KDM4B: variants seen among roughly 807,000 people sequenced by gnomAD.
KDM4B encodes the protein lysine demethylase 4B.
Under a neutral mutation model 125.2 loss-of-function variants are expected in KDM4B, and 32 were observed. That is an observed-to-expected ratio of 0.26 (90% CI 0.19 to 0.34). KDM4B has a LOEUF of 0.34. KDM4B is among the 10% of genes least tolerant of loss of function. KDM4B has a pLI of 1.00. For synonymous variants in KDM4B, 721 were observed against 677.9 expected (o/e 1.06, Z -0.99); for missense variants, 1,190 against 1,577.7 (o/e 0.75, Z 4.16).
intron 11 of KDM4B, among the ~76,000 whole-genome samples, chr19:5,127,346 G>A (rs1232117429): frequency 1.3e-5 from 2 of 152,214 alleles, no homozygotes; most frequent in East Asian, 1.9e-4. Flanking sequence ...GCTGCGGGGT[G>A]TGCCGCCGTC....
chr19:5,000,298 G>A (rs183565066), intron 1 of KDM4B, among the ~76,000 whole-genome samples: 23 of 127,246 alleles, frequency 1.8e-4, no homozygotes, highest in African/African-American at 5.7e-4. Context: ...TTCATTCACC[G>A]ATCCATCTGT....
At chr19:5,112,005 G>T in intron 10 of KDM4B, 1 of 579,996 alleles carries the variant, frequency 1.7e-6, no homozygotes, top group Non-Finnish European at 3.1e-6. Flanking sequence ...TGTAATCTCT[G>T]CACTTTGGAG....
At chr19:5,011,708 G>A (rs2035732650) in intron 1 of KDM4B, among the ~76,000 whole-genome samples, 1 of 152,264 alleles carries the variant, frequency 6.6e-6, no homozygotes, top group Non-Finnish European at 1.5e-5. Flanking sequence ...CTCAGACCCG[G>A]GAAAGAGGTG....
At chr19:5,143,941 G>A in intron 18 of KDM4B, 26 bp from the exon 19 acceptor site, 6 of 1,553,806 alleles carry the variant, frequency 3.9e-6, no homozygotes, top group Non-Finnish European at 4.4e-6. Flanking sequence ...CGAGCCCCAT[G>A]CCCCTGCCTG....
chr19:5,029,853 C>T (rs981024250), intron 2 of KDM4B, among the ~76,000 whole-genome samples: 1 of 152,206 alleles, frequency 6.6e-6, no homozygotes, highest in African/African-American at 2.4e-5. Flanking sequence ...TTAAAAAGTG[C>T]ACCAAGTTGC....
intron 9 of KDM4B, among the ~76,000 whole-genome samples, chr19:5,104,395 C>A (rs888099995): frequency 6.6e-6 from 1 of 152,034 alleles, no homozygotes; most frequent in Non-Finnish European, 1.5e-5. Flanking sequence ...ACATGGGAGA[C>A]GTGACTCTTT....
rs946889962 is a variant in KDM4B, at chr19:4,971,204, G to C, written c.-109+1974G>C. ...TGCTAACAAGATGTTAACTGCTGGC[G>C]CTTAAAGGTATAGCTGATCAGCCAC... On this transcript the variant is annotated intron_variant, in intron 1 of 22. Coordinates refer to ENST00000159111, the MANE Select transcript of KDM4B (RefSeq NM_015015.3). This position sits in a 1 kb window ranked among gnomAD's most constrained non-coding sequence, Gnocchi z 4.1. Among the ~76,000 whole-genome samples the C allele has an allele frequency of 3.3e-5, 5 of 152,040 alleles. No individual in the cohort carries two copies. The highest frequency in any genetic ancestry group is 1.2e-4 in the African/African-American group (5 of 41,396).
Position 5,065,650 on chromosome 19 carries a change from A to T in KDM4B, c.627-5360A>T, listed in dbSNP as rs193118466. The stretch of plus-strand genomic sequence containing the variant: ...TTTCCGGGGCCAGCGTGGCGGCGAG[A>T]TGACAGTGGCCTGTCCGCTGGCTGG... On this transcript the variant is annotated intron_variant, in intron 6 of 22. Transcript: ENST00000159111. 9.8e-4 allele frequency among the ~76,000 whole-genome samples: 150 copies of T among 152,328 alleles called. 1 individual carries two copies. The highest frequency in any genetic ancestry group is 8.7e-4 in the Non-Finnish European group (59 of 68,034).
intron 6 of KDM4B, among the ~76,000 whole-genome samples, chr19:5,056,301 C>G (rs1295083661): frequency 6.6e-6 from 1 of 152,126 alleles, no homozygotes. Flanking sequence ...GGTCACCCGG[C>G]TTGGGTGTGG....
chr19:5,110,891 CT>C, intron 10 of KDM4B, 73 bp downstream of exon 10: 5 of 1,273,986 alleles, frequency 3.9e-6, no homozygotes, highest in Non-Finnish European at 3.2e-6. Flanking sequence ...GCCCAGGCCC[CT>C]TCCCACTGGC....
At chr19:5,006,072 G>A (rs1009207486) in intron 1 of KDM4B, among the ~76,000 whole-genome samples, 5 of 152,260 alleles carry the variant, frequency 3.3e-5, no homozygotes, top group African/African-American at 1.2e-4. Flanking sequence ...TCTTAGTGAA[G>A]GACAGAGAAG....
chr19:4,978,399 C>T lies in KDM4B; in HGVS notation c.-109+9169C>T, dbSNP rs754508481. Among the ~76,000 whole-genome samples the T allele has an allele frequency of 5.5e-5, 8 of 146,432 alleles. No homozygotes were observed. The East Asian group carries it at 8.1e-4, about 15-fold the overall frequency. ...GCACGTGCCTGTAATCCCAGCTACT[C>T]GGGAGGCTGAGGGAGGAGAATCGCT... On this transcript the variant is annotated intron_variant, in intron 1 of 22. Transcript: ENST00000159111.
intron 1 of KDM4B, among the ~76,000 whole-genome samples, chr19:4,980,260 C>G (rs748200812): frequency 5.9e-5 from 9 of 152,048 alleles, no homozygotes; most frequent in Non-Finnish European, 1.0e-4. Context: ...TGCTGGTACC[C>G]ACACATCTCT....
chr19:5,062,803 T>G (rs1136405), intron 6 of KDM4B, among the ~76,000 whole-genome samples: 1 of 131,008 alleles, frequency 7.6e-6, no homozygotes, highest in Non-Finnish European at 1.6e-5. Context: ...TTTTTAGAGA[T>G]AGAGTTTCCC....
chr19:5,049,155 G>A (rs929823359), intron 6 of KDM4B, among the ~76,000 whole-genome samples: 2 of 152,136 alleles, frequency 1.3e-5, no homozygotes, highest in African/African-American at 4.8e-5. Context: ...CCCTGGAGGC[G>A]GCAGTGGGGC....
chr19:5,070,975 G>T (rs1188078362), intron 6 of KDM4B, 35 bp from the exon 7 acceptor site: 1 of 1,612,724 alleles, frequency 6.2e-7, no homozygotes, highest in South Asian at 1.1e-5. Flanking sequence ...GGCTGCCACC[G>T]ATCTTGCCTC....
intron 6 of KDM4B, among the ~76,000 whole-genome samples, chr19:5,063,708 C>T (rs1224137324): frequency 6.6e-6 from 1 of 152,262 alleles, no homozygotes; most frequent in Non-Finnish European, 1.5e-5. Context: ...AATAGGTCCT[C>T]AGGTTCCTGT....
At chr19:5,080,075 C>T (rs1164682327) in intron 8 of KDM4B, among the ~76,000 whole-genome samples, 6 of 152,198 alleles carry the variant, frequency 3.9e-5, no homozygotes, top group African/African-American at 7.2e-5. Context: ...TTTTCTGCCG[C>T]GTGCTCGTTC....
At chr19:5,069,659 G>A (rs915207766) in intron 6 of KDM4B, among the ~76,000 whole-genome samples, 22 of 152,088 alleles carry the variant, frequency 1.4e-4, no homozygotes, top group Non-Finnish European at 3.2e-4. Context: ...TCTCGCCCAG[G>A]CTGGAGTGCA....
Sources: allele counts gnomAD v4.1 joint callset (sites outside exome capture counted in the v4.1 genomes callset), GRCh38; gene constraint gnomAD v4.1.1; non-coding constraint Gnocchi (gnomAD v3.1); transcripts MANE v1.5; gene names NCBI Gene and HGNC (gene_info 2026-07-23, HGNC 2026-07-21).